TMEM37: variants seen among roughly 807,000 people sequenced by gnomAD.
TMEM37 encodes transmembrane protein 37, also known as voltage-dependent calcium channel gamma-like subunit.
TMEM37 carries 12 observed loss-of-function variants against 11.0 expected under a neutral mutation model. The ratio of observed to expected loss-of-function variants is 1.09; its 90% CI spans 0.70 to 1.76. The LOEUF is 1.76. Among genes scored for constraint, TMEM37 ranks in the 40% most tolerant of loss-of-function variants. The pLI is 0.00. For synonymous variants in TMEM37, 127 were observed against 110.5 expected (o/e 1.15, Z -0.94); for missense variants, 203 against 251.2 (o/e 0.81, Z 1.30).
upstream of TMEM37, among the ~76,000 whole-genome samples, chr2:119,430,739 G>A (rs1682376254): frequency 6.6e-6 from 1 of 152,216 alleles, no homozygotes; most frequent in Non-Finnish European, 1.5e-5. Context: ...CCACATTTGA[G>A]GATGGGGGGA....
rs13016450 is a variant in TMEM37, at chr2:119,431,916, G to T, written c.13G>T (p.Gly5Cys). Residue 5 changes from glycine (G) to cysteine (C), a missense_variant, in exon 1 of 2, where the codon GGC becomes TGC. By Grantham distance (159) the Gly-to-Cys change is radical. Coordinates refer to ENST00000306406, the MANE Select transcript of TMEM37 (RefSeq NM_183240.3). ...CGCCGGGCGCAGCATGACTGCCGTC[G>T]GCGTGCAGGTAGCCGGCGCCTGGCG... MTAV[G>C]VQAQRPLGQR... 8.2e-7 allele frequency: 1 copy of T among 1,225,974 alleles called. No homozygotes were observed. The highest frequency in any genetic ancestry group is 4.1e-5 in the South Asian group (1 of 24,676). The allele number at this position is 1,225,974 out of a possible 1,614,324, so 75.9% of individuals were successfully genotyped here.
Position 119,438,432 on chromosome 2 carries a change from A to T in TMEM37, c.*992A>T, listed in dbSNP as rs151295948. On this transcript the variant is annotated 3_prime_UTR_variant, in exon 2 of 2. Transcript: ENST00000306406. ...GGGATGCATGGAGGTGAAGGGGGCCAGGAACCAGTGGAGATTTCCATCCTT... is the reference window on the plus strand; with the variant it reads ...GGGATGCATGGAGGTGAAGGGGGCCTGGAACCAGTGGAGATTTCCATCCTT... 6.6e-6 allele frequency: 1 copy of T among 152,406 alleles called. No homozygotes were observed. Among genetic ancestry groups the T allele is most frequent in the African/African-American group, 2.4e-5 (1 of 41,572 alleles). The allele number at this position is 152,406 out of a possible 1,614,324, so 9.4% of individuals were successfully genotyped here.
In TMEM37 at chr2:119,438,123, T is replaced by TC. The variant is rs55947590; in HGVS notation, c.*683_*684insC. On this transcript the variant is annotated 3_prime_UTR_variant, in exon 2 of 2. Coordinates refer to ENST00000306406, the MANE Select transcript of TMEM37 (RefSeq NM_183240.3). Reference sequence around the variant, plus strand: ...AACCCCATCTTCTAGCAGCTGGCTGTGCCTCTGGGAGCTCTGCCTATCAGA... The same window carrying TC: ...AACCCCATCTTCTAGCAGCTGGCTGTCGCCTCTGGGAGCTCTGCCTATCAGA... The TC allele has an allele frequency of 0.86, 125,832 of 147,056 alleles. 52,333 individuals carry two copies. The highest frequency in any genetic ancestry group is 0.9 in the East Asian group (4,625 of 5,122). The allele number at this position is 147,056 out of a possible 1,614,324, so 9.1% of individuals were successfully genotyped here. A position where few individuals can be genotyped will look rare whatever the true frequency, so the allele number is the denominator to read the frequency against.
intron 1 of TMEM37, among the ~76,000 whole-genome samples, chr2:119,433,100 A>G (rs1182847148): frequency 6.6e-6 from 1 of 152,184 alleles, no homozygotes; most frequent in Non-Finnish European, 1.5e-5. Flanking sequence ...ATGTAGGGAG[A>G]GAGACTTGGA....
chr2:119,434,375 T>C (rs1682459899), intron 1 of TMEM37, among the ~76,000 whole-genome samples: 1 of 152,114 alleles, frequency 6.6e-6, no homozygotes, highest in Non-Finnish European at 1.5e-5. Context: ...GTTAAGAAAC[T>C]GCCCAAGGAC....
Position 119,437,705 on chromosome 2 carries a change from A to T in TMEM37, c.*265A>T, listed in dbSNP as rs1351207933. The T allele has an allele frequency of 3.9e-6, 2 of 510,822 alleles. No individual in the cohort carries two copies. Among genetic ancestry groups the T allele is most frequent in the East Asian group, 3.3e-5 (1 of 30,346 alleles). 31.6% of individuals were successfully genotyped at this position (510,822 alleles called of 1,614,324 possible). A position where few individuals can be genotyped will look rare whatever the true frequency, so the allele number is the denominator to read the frequency against. On this transcript the variant is annotated 3_prime_UTR_variant, in exon 2 of 2. Coordinates refer to ENST00000306406, the MANE Select transcript of TMEM37 (RefSeq NM_183240.3). ...GCCAGATGTTGATTTTAGAGGAAGA[A>T]AAAAACATTTTAAAACTCCTTCTTG... is the stretch of plus-strand genomic sequence containing the variant.
chr2:119,436,539 G>A (rs1476204192), intron 1 of TMEM37, among the ~76,000 whole-genome samples: 1 of 152,182 alleles, frequency 6.6e-6, no homozygotes, highest in African/African-American at 2.4e-5. Flanking sequence ...GAGGCAGGCT[G>A]CATGCTCAAG....
In TMEM37 at chr2:119,437,903, G is replaced by A. The variant is rs1443854583; in HGVS notation, c.*463G>A. ...AAGAATGGATCATTCTTCCAGCTAAGGGTCCAATCAGTGCCTAGGACTTTC... is the reference window on the plus strand; with the variant it reads ...AAGAATGGATCATTCTTCCAGCTAAAGGTCCAATCAGTGCCTAGGACTTTC... On this transcript the variant is annotated 3_prime_UTR_variant, in exon 2 of 2. Coordinates refer to ENST00000306406, the MANE Select transcript of TMEM37 (RefSeq NM_183240.3). 8.1e-6 allele frequency: 1 copy of A among 123,660 alleles called. No homozygotes were observed. Among genetic ancestry groups the A allele is most frequent in the Non-Finnish European group, 1.8e-5 (1 of 55,780 alleles). 7.7% of individuals were successfully genotyped at this position (123,660 alleles called of 1,614,324 possible). A position where few individuals can be genotyped will look rare whatever the true frequency, so the allele number is the denominator to read the frequency against.
In TMEM37 at chr2:119,436,878, G is replaced by T. The variant is rs535805988; in HGVS notation, c.22-11G>T. The T allele has an allele frequency of 2.5e-6, 4 of 1,606,196 alleles. No homozygotes were observed. The highest frequency in any genetic ancestry group is 1.7e-5 in the Admixed American group (1 of 59,110). On this transcript the variant is annotated splice_polypyrimidine_tract_variant and intron_variant, in intron 1 of 1. Coordinates refer to ENST00000306406, the MANE Select transcript of TMEM37 (RefSeq NM_183240.3). Reference sequence around the variant, plus strand: ...TGTGGCTGACAGGGTGCTTCCTACGGTTTTTTCCAGGCCCAGAGGCCTTTG... The same window carrying T: ...TGTGGCTGACAGGGTGCTTCCTACGTTTTTTTCCAGGCCCAGAGGCCTTTG...
At chr2:119,434,219 G>A (rs1682456778) in intron 1 of TMEM37, among the ~76,000 whole-genome samples, 1 of 152,202 alleles carries the variant, frequency 6.6e-6, no homozygotes, top group African/African-American at 2.4e-5. Flanking sequence ...CCTGTGATTT[G>A]TTCTCTGCCT....
At chr2:119,430,357 T>C, upstream of TMEM37, 2 of 489,818 alleles carry the variant, frequency 4.1e-6, no homozygotes, top group South Asian at 1.5e-5. Flanking sequence ...CAGGTGACTC[T>C]GGTGCAGAAT....
Position 119,437,672 on chromosome 2 carries a change from C to A in TMEM37, c.*232C>A. ...GGGTGCCTCAGTGCCACCAACTGCA[C>A]AGGCTTAGCCAGATGTTGATTTTAG... is the stretch of plus-strand genomic sequence containing the variant. On this transcript the variant is annotated 3_prime_UTR_variant, in exon 2 of 2. Coordinates refer to ENST00000306406, the MANE Select transcript of TMEM37 (RefSeq NM_183240.3). 1 of 555,652 alleles carries A rather than the reference C, an allele frequency of 1.8e-6. No individual in the cohort carries two copies. The highest frequency in any genetic ancestry group is 3.1e-6 in the Non-Finnish European group (1 of 318,354). The allele number at this position is 555,652 out of a possible 1,614,324, so 34.4% of individuals were successfully genotyped here.
Position 119,432,378 on chromosome 2 carries a change from G to C in TMEM37, c.21+454G>C, listed in dbSNP as rs189417602. On this transcript the variant is annotated intron_variant, in intron 1 of 1. Coordinates refer to ENST00000306406, the MANE Select transcript of TMEM37 (RefSeq NM_183240.3). ...TCTCTTGGGAAGTTAGACCTTTCTG[G>C]GGGTGGAGGTTAGGAAGACCGTCTC... 25 of 154,496 alleles carry C rather than the reference G, an allele frequency of 1.6e-4. 1 individual carries two copies. In the East Asian group the frequency reaches 4.5e-3, roughly 28 times the overall value. The allele number at this position is 154,496 out of a possible 1,614,324, so 9.6% of individuals were successfully genotyped here.
Position 119,437,828 on chromosome 2 carries a change from A to C in TMEM37, c.*388A>C. The C allele has an allele frequency of 4.8e-6, 1 of 206,902 alleles. No homozygotes were observed. The highest frequency in any genetic ancestry group is 1.1e-4 in the South Asian group (1 of 9,358). 12.8% of individuals were successfully genotyped at this position (206,902 alleles called of 1,614,324 possible). A position where few individuals can be genotyped will look rare whatever the true frequency, so the allele number is the denominator to read the frequency against. On this transcript the variant is annotated 3_prime_UTR_variant, in exon 2 of 2. Coordinates refer to ENST00000306406, the MANE Select transcript of TMEM37 (RefSeq NM_183240.3). ...AGGATAGTTCATGCCTGTTTCATTG[A>C]CACGTGCTGGGATAGGGGCTGCAGA... is the stretch of plus-strand genomic sequence containing the variant.
At position 119,437,025 on chromosome 2, in the gene TMEM37, C is replaced by T; in HGVS notation, c.158C>T (p.Ala53Val). ...VSICDGHWLL[A>V]EDRLFGLWHF... ...ATTTGTGATGGGCACTGGCTCCTGG[C>T]TGAGGACCGCCTCTTCGGGCTCTGG... Residue 53 changes from alanine to valine, a missense_variant, in exon 2 of 2, where the codon GCT becomes GTT. Physicochemically the swap from Ala to Val is moderately conservative, Grantham distance 64. Transcript: ENST00000306406. 2 of 1,614,236 alleles carry T rather than the reference C, an allele frequency of 1.2e-6. No homozygotes were observed. The highest frequency in any genetic ancestry group is 1.7e-6 in the Non-Finnish European group (2 of 1,180,040).
intron 1 of TMEM37, 68 bp from the exon 2 acceptor site, chr2:119,436,821 C>G (rs552034090): frequency 3.2e-5 from 42 of 1,325,468 alleles, no homozygotes; most frequent in Non-Finnish European, 4.2e-5. Context: ...CAGGGGTCTT[C>G]CCTGCAGAGG....
At position 119,437,073 on chromosome 2, in the gene TMEM37, A is replaced by AGGGTGT. The variant is rs767939704; in HGVS notation, c.207_208insGGTGTG (p.Gln69_Thr70insGlyVal). On this transcript the variant is annotated inframe_insertion, in exon 2 of 2. Coordinates refer to ENST00000306406, the MANE Select transcript of TMEM37 (RefSeq NM_183240.3). ...TGGCACTTCTGCACCACCACCAACC[A>AGGGTGT]GACGATCTGCTTCAGAGACCTGGGC... The AGGGTGT allele has an allele frequency of 2.3e-5, 23 of 996,984 alleles. No homozygotes were observed. Among genetic ancestry groups the AGGGTGT allele is most frequent in the Non-Finnish European group, 2.7e-6 (2 of 749,790 alleles). The allele number at this position is 996,984 out of a possible 1,614,324, so 61.8% of individuals were successfully genotyped here.
chr2:119,433,503 G>T (rs1682443198), intron 1 of TMEM37, among the ~76,000 whole-genome samples: 1 of 152,126 alleles, frequency 6.6e-6, no homozygotes, highest in Admixed American at 6.5e-5. Context: ...GGAATGAGTT[G>T]GGAGGAGCTT....
chr2:119,432,115 G>C, intron 1 of TMEM37, 191 bp downstream of exon 1: 2 of 386,606 alleles, frequency 5.2e-6, no homozygotes, highest in Non-Finnish European at 9.0e-6. Context: ...AACCTCGGGG[G>C]GCCTGCCTGC....
Sources: gnomAD v4.1 joint callset for allele counts (sites outside exome capture counted in the v4.1 genomes callset) on GRCh38, gnomAD v4.1.1 for gene constraint, MANE v1.5 for transcripts, NCBI Gene and HGNC (gene_info 2026-07-23, HGNC 2026-07-21) for gene names.